Variants in TMEM132C observed in about 807,000 individuals in gnomAD.
TMEM132C encodes the protein transmembrane protein 132C, also known as protein phosphatase 1, regulatory subunit 152.
TMEM132C carries 29 observed loss-of-function variants against 61.4 expected under a neutral mutation model. The observed-to-expected ratio is 0.47, with a 90% CI of 0.35 to 0.64. TMEM132C has a LOEUF of 0.64. Among genes scored for constraint, TMEM132C ranks in the 30% least tolerant of loss-of-function variants. The probability of loss-of-function intolerance (pLI) is 0.00; values close to 1 mark genes in which losing one functional copy is unlikely to be tolerated. For synonymous variants in TMEM132C, 656 were observed against 633.1 expected, an observed-to-expected ratio of 1.04 and a Z score of -0.54; for missense variants, 1,408 against 1,476.9, an observed-to-expected ratio of 0.95 and a Z score of 0.76.
At chr12:128,578,589 T>TTTGTTG (rs149602264) in intron 3 of TMEM132C, among the ~76,000 whole-genome samples, 2 of 152,034 alleles carry the variant, frequency 1.3e-5, no homozygotes, top group East Asian at 1.9e-4. Context: ...TAAAGAGGTT[T>TTTGTTG]TTGTTGTTGT....
At position 128,525,026 on chromosome 12, in the gene TMEM132C, C is replaced by T. The variant is rs139668513; in HGVS notation, c.975-18931C>T. On this transcript the variant is annotated intron_variant, in intron 2 of 8. Coordinates refer to ENST00000435159, the MANE Select transcript of TMEM132C (RefSeq NM_001136103.3). ...GATCCCGCCAGGATAACGGATGAGG[C>T]AGACCCTTGAGAGGACTGGCTCAAT... 1.9e-3 allele frequency among the ~76,000 whole-genome samples: 288 copies of T among 152,312 alleles called. 3 individuals carry two copies. The highest frequency in any genetic ancestry group is 6.4e-3 in the African/African-American group (266 of 41,566).
At chr12:128,349,474 G>A (rs1465460370) in intron 1 of TMEM132C, among the ~76,000 whole-genome samples, 1 of 152,166 alleles carries the variant, frequency 6.6e-6, no homozygotes, top group African/African-American at 2.4e-5. Context: ...GGATCACGGG[G>A]GTTGGGGGTT....
intron 4 of TMEM132C, among the ~76,000 whole-genome samples, chr12:128,640,216 G>A (rs2135599196): frequency 6.6e-6 from 1 of 152,266 alleles, no homozygotes; most frequent in East Asian, 1.9e-4. Context: ...TTGGCACTTG[G>A]GAAGTACTCA....
chr12:128,347,384 C>T (rs181251763), intron 1 of TMEM132C, among the ~76,000 whole-genome samples: 34 of 135,798 alleles, frequency 2.5e-4, no homozygotes, highest in African/African-American at 9.6e-4. Flanking sequence ...CTGCCATAAG[C>T]ATGCATATGT....
intron 1 of TMEM132C, among the ~76,000 whole-genome samples, chr12:128,387,303 G>A (rs754761359): frequency 2.6e-5 from 4 of 152,172 alleles, no homozygotes; most frequent in African/African-American, 7.2e-5. Flanking sequence ...AGGGATGCTG[G>A]CGTGGAGGTT....
intron 3 of TMEM132C, among the ~76,000 whole-genome samples, chr12:128,608,231 G>C (rs1487110229): frequency 6.6e-6 from 1 of 152,208 alleles, no homozygotes; most frequent in Non-Finnish European, 1.5e-5. Context: ...CACATGTGCT[G>C]TGCCATTTAT....
chr12:128,367,392 T>C (rs1028893504), intron 1 of TMEM132C, among the ~76,000 whole-genome samples: 1 of 152,136 alleles, frequency 6.6e-6, no homozygotes, highest in Non-Finnish European at 1.5e-5. Context: ...GAGAGAAAAA[T>C]AGCTTTTCTG....
At chr12:128,552,525 T>TA (rs1157369589) in intron 3 of TMEM132C, among the ~76,000 whole-genome samples, 4 of 152,214 alleles carry the variant, frequency 2.6e-5, no homozygotes, top group Non-Finnish European at 5.9e-5. Context: ...ATGTTTTATT[T>TA]AAAAAATAAC....
At chr12:128,461,648 C>T (rs1870537449) in intron 2 of TMEM132C, among the ~76,000 whole-genome samples, 1 of 152,140 alleles carries the variant, frequency 6.6e-6, no homozygotes, top group African/African-American at 2.4e-5. Flanking sequence ...GTACTGATGT[C>T]CAGCCCACCT....
intron 4 of TMEM132C, among the ~76,000 whole-genome samples, chr12:128,634,935 G>T (rs1479946142): frequency 1.3e-5 from 2 of 152,336 alleles, no homozygotes; most frequent in African/African-American, 2.4e-5. Flanking sequence ...ATTAGGAAAT[G>T]AGTATATGAG....
chr12:128,550,770 A>C (rs984407178), intron 3 of TMEM132C, among the ~76,000 whole-genome samples: 1 of 152,206 alleles, frequency 6.6e-6, no homozygotes, highest in African/African-American at 2.4e-5. Context: ...GTCTGTAATC[A>C]TGGGGTTGGC....
Position 128,564,873 on chromosome 12 carries a change from C to A in TMEM132C, c.1121+20770C>A, listed in dbSNP as rs1156873. On this transcript the variant is annotated intron_variant, in intron 3 of 8. Transcript: ENST00000435159. The stretch of plus-strand genomic sequence containing the variant: ...GCTTCTGACATGGTCTCCAGGGATC[C>A]CCCCTTCCTGGTAGTCATGCCTTTA... Among the ~76,000 whole-genome samples, 637 of 152,232 alleles carry A rather than the reference C, an allele frequency of 4.2e-3. 5 individuals are homozygous for A. Among genetic ancestry groups the A allele is most frequent in the Middle Eastern group, 0.02 (6 of 294 alleles).
intron 1 of TMEM132C, among the ~76,000 whole-genome samples, chr12:128,313,050 A>C (rs544479061): frequency 2.0e-5 from 3 of 152,354 alleles, no homozygotes; most frequent in African/African-American, 7.2e-5. Flanking sequence ...GAGAGGCAAC[A>C]TAACAAGCTT....
At chr12:128,292,797 T>G (rs1264241857) in intron 1 of TMEM132C, among the ~76,000 whole-genome samples, 1 of 147,756 alleles carries the variant, frequency 6.8e-6, no homozygotes, top group East Asian at 2.1e-4. Context: ...AAGTGTACAA[T>G]AAGAACTGTG....
chr12:128,641,194 C>T (rs558886426), intron 4 of TMEM132C, among the ~76,000 whole-genome samples: 36 of 152,186 alleles, frequency 2.4e-4, no homozygotes, highest in South Asian at 6.2e-4. Flanking sequence ...TCATTTGTGC[C>T]CTTGTCCCTG....
At chr12:128,448,496 G>C (rs1040773967) in intron 2 of TMEM132C, among the ~76,000 whole-genome samples, 2 of 152,158 alleles carry the variant, frequency 1.3e-5, no homozygotes, top group African/African-American at 2.4e-5. Flanking sequence ...ACTCTAGCGG[G>C]CCAGCCTGGG....
chr12:128,618,569 T>C (rs1036712711), intron 4 of TMEM132C, among the ~76,000 whole-genome samples: 4 of 152,150 alleles, frequency 2.6e-5, no homozygotes, highest in Non-Finnish European at 5.9e-5. Flanking sequence ...TCCCACATGT[T>C]GTGGGAGGGA....
chr12:128,341,196 C>T (rs1872969227), intron 1 of TMEM132C, among the ~76,000 whole-genome samples: 2 of 152,140 alleles, frequency 1.3e-5, no homozygotes, highest in Non-Finnish European at 1.5e-5. Flanking sequence ...CCACCTCGGC[C>T]TCCCAAAAAC....
rs147389338 is a variant in TMEM132C, at chr12:128,500,582, A to G, written c.975-43375A>G. On this transcript the variant is annotated intron_variant, in intron 2 of 8. Coordinates refer to ENST00000435159, the MANE Select transcript of TMEM132C (RefSeq NM_001136103.3). ...GAAGGTACACAAATGTCCAATATGT[A>G]TACAAAATGGTGCCCAACATCATTA... is the stretch of plus-strand genomic sequence containing the variant. Among the ~76,000 whole-genome samples, 767 of 152,330 alleles carry G rather than the reference A, an allele frequency of 5.0e-3. 9 individuals are homozygous for G. Among genetic ancestry groups the G allele is most frequent in the African/African-American group, 0.017 (724 of 41,572 alleles).
Sources: allele counts gnomAD v4.1 joint callset (sites outside exome capture counted in the v4.1 genomes callset), GRCh38; gene constraint gnomAD v4.1.1; transcripts MANE v1.5; gene names NCBI Gene and HGNC (gene_info 2026-07-23, HGNC 2026-07-21).